The following HIF3A variants were observed in gnomAD, a reference collection of about 807,000 sequenced individuals.
HIF3A encodes hypoxia-inducible factor 3-alpha.
HIF3A carries 41 observed loss-of-function variants against 67.2 expected under a neutral mutation model. That is an observed-to-expected ratio of 0.61 (90% confidence interval 0.48 to 0.79). The LOEUF is 0.79. Ranked by LOEUF, HIF3A falls within the 30% of genes least tolerant of loss-of-function variation. HIF3A has a pLI of 0.00. For missense variants in HIF3A, 855 were observed against 898.0 expected, an observed-to-expected ratio of 0.95 and a Z score of 0.61; for synonymous variants, 356 against 374.8, an observed-to-expected ratio of 0.95 and a Z score of 0.58.
chr19:46,338,384 G>T, intron 14 of HIF3A: 1 of 393,440 alleles, frequency 2.5e-6, no homozygotes, highest in Non-Finnish European at 4.9e-6. Context: ...TATATGTTTT[G>T]TAGAGACGAG....
At chr19:46,321,331 C>G (rs2147231719) in intron 9 of HIF3A, among the ~76,000 whole-genome samples, 1 of 152,312 alleles carries the variant, frequency 6.6e-6, no homozygotes, top group African/African-American at 2.4e-5. Flanking sequence ...TGCCTGCAAT[C>G]CCAGCACTTT....
intron 14 of HIF3A, 151 bp downstream of exon 14, chr19:46,335,137 C>T (rs1601375003): frequency 1.7e-6 from 1 of 583,514 alleles, no homozygotes; most frequent in South Asian, 2.7e-5. Context: ...TCTCTCTTCT[C>T]ATGGGCACTG....
chr19:46,331,969 C>G (rs1362722768), intron 13 of HIF3A, among the ~76,000 whole-genome samples: 3 of 151,840 alleles, frequency 2.0e-5, no homozygotes, highest in Non-Finnish European at 2.9e-5. Flanking sequence ...CCCATGGGAC[C>G]CCCTCCCCAA....
chr19:46,312,156 C>T lies in HIF3A; in HGVS notation c.771-5C>T. 1 of 1,613,562 alleles carries T rather than the reference C, an allele frequency of 6.2e-7. No individual in the cohort carries two copies. Among genetic ancestry groups the T allele is most frequent in the Non-Finnish European group, 8.5e-7 (1 of 1,179,504 alleles). The stretch of plus-strand genomic sequence containing the variant: ...TGACCAGACCCCACTCCGCCCCACC[C>T]CCAGGATTGCAGAAGTGGCTGGCTA... On this transcript the variant is annotated splice_polypyrimidine_tract_variant and splice_region_variant and intron_variant, in intron 6 of 14. Transcript: ENST00000377670.
At chr19:46,324,985 TTGTGTGTGTGTG>T (rs542186240) in intron 10 of HIF3A, among the ~76,000 whole-genome samples, 2 of 127,916 alleles carry the variant, frequency 1.6e-5, no homozygotes, top group Non-Finnish European at 3.3e-5. Context: ...CACACATATA[TTGTGTGTGTGTG>T]TGTGTGTGTG....
At chr19:46,301,240 G>T (rs1568496192) in intron 1 of HIF3A, among the ~76,000 whole-genome samples, 1 of 151,994 alleles carries the variant, frequency 6.6e-6, no homozygotes, top group Non-Finnish European at 1.5e-5. Context: ...CTCCAGACAG[G>T]AAAATATCCC....
At chr19:46,298,417 T>A in intron 1 of HIF3A, 1 of 1,271,898 alleles carries the variant, frequency 7.9e-7, no homozygotes, top group Non-Finnish European at 1.0e-6. Context: ...CTCACCGCCG[T>A]GCGCACCCAC....
chr19:46,327,969 C>T (rs1255538713), intron 11 of HIF3A, among the ~76,000 whole-genome samples: 2 of 152,220 alleles, frequency 1.3e-5, no homozygotes, highest in African/African-American at 4.8e-5. Flanking sequence ...TCAGGAAGCT[C>T]ACCAAAGCAT....
At chr19:46,335,034 G>C (rs760721799) in intron 14 of HIF3A, 48 bp downstream of exon 14, 4 of 1,483,786 alleles carry the variant, frequency 2.7e-6, no homozygotes, top group African/African-American at 1.4e-5. Flanking sequence ...CTTCTCCCCC[G>C]GGAGGTGCGA....
Position 46,329,212 on chromosome 19 carries a change from TG to T in HIF3A, c.1447del (p.Asp483MetfsTer67). The T allele has an allele frequency of 6.2e-7, 1 of 1,604,858 alleles. No homozygotes were observed. Among genetic ancestry groups the T allele is most frequent in the Non-Finnish European group, 8.5e-7 (1 of 1,174,708 alleles). ...CTCCCTCCTGCCCTCCGCAGGATGC[TG>T]ATGCTCTGGATTTGGAGATGCTGGC... Reference protein sequence around the residue: ...ETDLDIAQDADALDLEMLAPY... With the variant: ...ETDLDIAQDAXALDLEMLAPY... On this transcript the variant is annotated frameshift_variant, in exon 12 of 15. Transcript: ENST00000377670. LOFTEE classifies it high-confidence loss of function.
At chr19:46,334,223 C>G (rs1971451958) in intron 13 of HIF3A, among the ~76,000 whole-genome samples, 1 of 152,190 alleles carries the variant, frequency 6.6e-6, no homozygotes, top group African/African-American at 2.4e-5. Flanking sequence ...TCCCAAGTAG[C>G]TGGGATTACA....
chr19:46,320,936 C>T (rs1237989861), intron 9 of HIF3A, among the ~76,000 whole-genome samples: 5 of 152,162 alleles, frequency 3.3e-5, no homozygotes, highest in African/African-American at 4.8e-5. Context: ...CCAGTAATCT[C>T]GATCCTCCTA....
At chr19:46,338,013 G>T (rs563595255) in intron 14 of HIF3A, among the ~76,000 whole-genome samples, 2 of 152,306 alleles carry the variant, frequency 1.3e-5, no homozygotes, top group African/African-American at 4.8e-5. Context: ...TGTGAATGAG[G>T]AGCTAAGATT....
At chr19:46,319,847 C>T (rs1970220515) in intron 8 of HIF3A, among the ~76,000 whole-genome samples, 1 of 152,140 alleles carries the variant, frequency 6.6e-6, no homozygotes. Flanking sequence ...CCTCTCTGCC[C>T]AGGCTGTGCT....
chr19:46,318,045 G>A (rs1021564251), intron 8 of HIF3A, among the ~76,000 whole-genome samples: 14 of 151,610 alleles, frequency 9.2e-5, no homozygotes, highest in African/African-American at 2.4e-4. Context: ...TATGTTGGCC[G>A]GGCTGGTCTT....
chr19:46,304,472 G>C (rs886743376), intron 2 of HIF3A, among the ~76,000 whole-genome samples: 19 of 152,098 alleles, frequency 1.2e-4, no homozygotes, highest in Admixed American at 4.6e-4. Context: ...CCACTGGGAG[G>C]CTGCGCCGCC....
At position 46,297,055 on chromosome 19, in the gene HIF3A, C is replaced by T. The variant is rs373190820; in HGVS notation, c.-22C>T. ...AGGGGGCTAGGGGCCTCCGAGGGCTCCGGAGCGGCGACTGGCGAGCCATGG... is the reference window on the plus strand; with the variant it reads ...AGGGGGCTAGGGGCCTCCGAGGGCTTCGGAGCGGCGACTGGCGAGCCATGG... On this transcript the variant is annotated 5_prime_UTR_variant, in exon 1 of 15. Transcript: ENST00000377670. The surrounding 1 kb of genome is among the most constrained non-coding windows in gnomAD (Gnocchi z 4.5). 6 of 1,303,540 alleles carry T rather than the reference C, an allele frequency of 4.6e-6. No homozygotes were observed. The highest frequency in any genetic ancestry group is 5.9e-6 in the Non-Finnish European group (6 of 1,015,516). The allele number at this position is 1,303,540 out of a possible 1,614,324, so 80.7% of individuals were successfully genotyped here.
In HIF3A at chr19:46,305,061, A is replaced by G. The variant is rs557544117; in HGVS notation, c.218-184A>G. ...CCTGGGAGGCCCTGCTTCTAATTCC[A>G]GTGCTTCTTGGTCCTGCTTTCTTCC... On this transcript the variant is annotated intron_variant, in intron 2 of 14. Coordinates refer to ENST00000377670, the MANE Select transcript of HIF3A (RefSeq NM_152795.4). 3 of 806,426 alleles carry G rather than the reference A, an allele frequency of 3.7e-6. No homozygotes were observed. In the Admixed American group the frequency reaches 5.9e-5, roughly 16 times the overall value. The allele number at this position is 806,426 out of a possible 1,614,324, so 50.0% of individuals were successfully genotyped here.
In HIF3A at chr19:46,334,987, G is replaced by C; in HGVS notation, c.1912+1G>C. On this transcript the variant is annotated splice_donor_variant, in intron 14 of 14. Transcript: ENST00000377670. LOFTEE classifies it high-confidence loss of function. ...CTCCTGAACCTGAATGAGCCCCTGG[G>C]TGAGTAGCAACCTGGGTATCCAGAG... is the stretch of plus-strand genomic sequence containing the variant. 3 of 1,601,898 alleles carry C rather than the reference G, an allele frequency of 1.9e-6. No individual in the cohort carries two copies. The South Asian group carries it at 3.4e-5, about 18-fold the overall frequency.
Sources: allele counts gnomAD v4.1 joint callset (sites outside exome capture counted in the v4.1 genomes callset), GRCh38; gene constraint gnomAD v4.1.1; non-coding constraint Gnocchi (gnomAD v3.1); transcripts MANE v1.5; gene names NCBI Gene and HGNC (gene_info 2026-07-23, HGNC 2026-07-21).